The following FOXO1 variants were observed in gnomAD, a reference collection of about 807,000 sequenced individuals.
FOXO1 encodes forkhead box O1, also known as forkhead box protein O1.
In FOXO1, 6 loss-of-function variants were observed where a neutral mutation model predicts 44.1. The observed-to-expected ratio is 0.14, with a 90% CI of 0.07 to 0.27. The LOEUF (loss-of-function observed/expected upper bound fraction) is 0.27, where lower values mean the gene tolerates loss of function less well. Among genes scored for constraint, FOXO1 ranks in the 10% least tolerant of loss-of-function variants. FOXO1 has a pLI of 1.00. For synonymous variants in FOXO1, 380 were observed against 362.7 expected, an observed-to-expected ratio of 1.05 and a Z score of -0.54; for missense variants, 737 against 888.8, an observed-to-expected ratio of 0.83 and a Z score of 2.17.
At chr13:40,607,273 C>T (rs1249954343) in intron 1 of FOXO1, among the ~76,000 whole-genome samples, 4 of 152,200 alleles carry the variant, frequency 2.6e-5, no homozygotes, top group African/African-American at 9.6e-5. Context: ...ACACCCGGAG[C>T]GCCTAGCAAA....
intron 1 of FOXO1, chr13:40,620,265 T>G: frequency 7.9e-6 from 10 of 1,258,240 alleles, no homozygotes; most frequent in African/African-American, 1.5e-5. Flanking sequence ...AAAATAGAGA[T>G]CAGGACAGTA....
chr13:40,618,652 A>G, intron 1 of FOXO1: 1 of 375,474 alleles, frequency 2.7e-6, no homozygotes, highest in Admixed American at 3.1e-5. Flanking sequence ...CAGCTCTCCA[A>G]AAAGGCACAA....
chr13:40,604,076 T>C (rs912699884), intron 1 of FOXO1, among the ~76,000 whole-genome samples: 1 of 152,104 alleles, frequency 6.6e-6, no homozygotes, highest in Admixed American at 6.6e-5. Context: ...CGAACAATTA[T>C]GTGCCAAAAT....
chr13:40,565,368 C>T (rs1218693400), intron 1 of FOXO1, among the ~76,000 whole-genome samples: 3 of 152,154 alleles, frequency 2.0e-5, no homozygotes, highest in African/African-American at 2.4e-5. Flanking sequence ...TCCAGGAACA[C>T]GGACCTTTTC....
At chr13:40,614,778 G>A (rs1371472382) in intron 1 of FOXO1, among the ~76,000 whole-genome samples, 4 of 152,162 alleles carry the variant, frequency 2.6e-5, no homozygotes, top group African/African-American at 9.7e-5. Context: ...GAACTACAGA[G>A]CACAGAGATC....
chr13:40,639,105 A>G (rs557669738), intron 1 of FOXO1, among the ~76,000 whole-genome samples: 3 of 152,078 alleles, frequency 2.0e-5, no homozygotes, highest in Non-Finnish European at 4.4e-5. Context: ...GAGGCAGGAG[A>G]ATCGCTTGAA....
chr13:40,655,133 C>T (rs553312199), intron 1 of FOXO1, among the ~76,000 whole-genome samples: 110 of 152,068 alleles, frequency 7.2e-4, no homozygotes, highest in Non-Finnish European at 1.3e-3. Context: ...GTCAGGATTT[C>T]GAGACCAGTC....
chr13:40,654,521 AAAAG>A (rs1566086355), intron 1 of FOXO1, among the ~76,000 whole-genome samples: 1 of 151,324 alleles, frequency 6.6e-6, no homozygotes, highest in Non-Finnish European at 1.5e-5. Flanking sequence ...AAAAAGAAGA[AAAAG>A]AAAAAGACAA....
intron 1 of FOXO1, among the ~76,000 whole-genome samples, chr13:40,663,321 A>G (rs548879631): frequency 6.6e-6 from 1 of 152,238 alleles, no homozygotes; most frequent in Non-Finnish European, 1.5e-5. Flanking sequence ...AAAAACCTAA[A>G]TCTTAAAAAG....
At chr13:40,566,165 C>T (rs1202441016) in intron 1 of FOXO1, among the ~76,000 whole-genome samples, 1 of 152,142 alleles carries the variant, frequency 6.6e-6, no homozygotes, top group Non-Finnish European at 1.5e-5. Flanking sequence ...CAGGGGTTGG[C>T]AGAGCAGGGA....
At chr13:40,595,933 A>C (rs1288710334) in intron 1 of FOXO1, among the ~76,000 whole-genome samples, 1 of 146,244 alleles carries the variant, frequency 6.8e-6, no homozygotes, top group Non-Finnish European at 1.5e-5. Flanking sequence ...TAGAAATGTC[A>C]GCTAATTTTT....
At chr13:40,663,354 G>C (rs1193246489) in intron 1 of FOXO1, among the ~76,000 whole-genome samples, 1 of 152,158 alleles carries the variant, frequency 6.6e-6, no homozygotes, top group Non-Finnish European at 1.5e-5. Flanking sequence ...CCTAGTTTAA[G>C]ACTAACACTC....
intron 1 of FOXO1, among the ~76,000 whole-genome samples, chr13:40,575,811 G>A (rs1874721628): frequency 6.6e-6 from 1 of 152,164 alleles, no homozygotes; most frequent in African/African-American, 2.4e-5. Flanking sequence ...ACGTTAAGGT[G>A]CAGCACACGC....
At chr13:40,605,584 C>T (rs978809389) in intron 1 of FOXO1, among the ~76,000 whole-genome samples, 1 of 152,118 alleles carries the variant, frequency 6.6e-6, no homozygotes, top group African/African-American at 2.4e-5. Context: ...CCCTGAATCT[C>T]CTCTCAATCT....
intron 1 of FOXO1, among the ~76,000 whole-genome samples, chr13:40,586,351 C>A (rs1010691334): frequency 2.0e-5 from 3 of 152,170 alleles, no homozygotes; most frequent in African/African-American, 4.8e-5. Context: ...CTACTTCCTA[C>A]AGGATATGCT....
chr13:40,658,956 G>A (rs376092654), intron 1 of FOXO1, among the ~76,000 whole-genome samples: 13 of 152,068 alleles, frequency 8.5e-5, no homozygotes, highest in African/African-American at 2.9e-4. Flanking sequence ...AGCTTGCAGT[G>A]AGCCAAGATT....
chr13:40,666,470 C>T lies in FOXO1; in HGVS notation c.-258G>A, dbSNP rs1878261787. The T allele has an allele frequency of 2.8e-6, 1 of 359,722 alleles. No homozygotes were observed. The highest frequency in any genetic ancestry group is 5.0e-6 in the Non-Finnish European group (1 of 200,372). 22.3% of individuals were successfully genotyped at this position (359,722 alleles called of 1,614,324 possible). A position where few individuals can be genotyped will look rare whatever the true frequency, so the allele number is the denominator to read the frequency against. Reference sequence around the variant, plus strand: ...GGACGGCCGGCCAGAGCCGCCGGGCCGGGGCAGAGCCTGCGCCGCGCTCCA... The same window carrying T: ...GGACGGCCGGCCAGAGCCGCCGGGCTGGGGCAGAGCCTGCGCCGCGCTCCA... On this transcript the variant is annotated 5_prime_UTR_variant, in exon 1 of 3. Coordinates refer to ENST00000379561, the MANE Select transcript of FOXO1 (RefSeq NM_002015.4).
Position 40,559,779 on chromosome 13 carries a change from T to C in FOXO1, c.1712A>G (p.Gln571Arg). Residue 571 changes from glutamine to arginine, a missense_variant, in exon 2 of 3, where the codon CAG (glutamine) becomes CGG (arginine). By Grantham distance (43) the Gln-to-Arg change is conservative. Coordinates refer to ENST00000379561, the MANE Select transcript of FOXO1 (RefSeq NM_002015.4). ...PVQVPLPHPM[Q>R]MSALGGYSSV... is the part of the protein sequence containing the mutation. ...GGAGTAGCCCCCCAGGGCACTCATC[T>C]GCATGGGGTGGGGCAGAGGCACTTG... 6.2e-7 allele frequency: 1 copy of C among 1,613,592 alleles called. No individual in the cohort carries two copies. Among genetic ancestry groups the C allele is most frequent in the South Asian group, 1.1e-5 (1 of 90,976 alleles).
At chr13:40,627,890 C>T (rs915846326) in intron 1 of FOXO1, among the ~76,000 whole-genome samples, 2 of 151,182 alleles carry the variant, frequency 1.3e-5, no homozygotes, top group Non-Finnish European at 1.5e-5. Context: ...TGCTGTACTA[C>T]AGATCCATAA....
Sources: gnomAD v4.1 joint callset for allele counts (sites outside exome capture counted in the v4.1 genomes callset) on GRCh38, gnomAD v4.1.1 for gene constraint, MANE v1.5 for transcripts, NCBI Gene and HGNC (gene_info 2026-07-23, HGNC 2026-07-21) for gene names.